Variants in ENTHD1 observed in about 807,000 individuals in gnomAD.
ENTHD1 encodes ENTH domain-containing protein 1.
In ENTHD1, 23 loss-of-function variants were observed where a neutral mutation model predicts 39.1. The observed-to-expected ratio is 0.59, with a 90% CI of 0.42 to 0.83. The LOEUF (loss-of-function observed/expected upper bound fraction) is 0.83. Among genes scored for constraint, ENTHD1 ranks in the 40% least tolerant of loss-of-function variants. ENTHD1 has a pLI of 0.00. For synonymous variants in ENTHD1, 230 were observed against 258.2 expected (o/e 0.89, Z 1.05); for missense variants, 624 against 705.4 (o/e 0.88, Z 1.31).
At chr22:39,847,302 T>C (rs1055768362) in intron 3 of ENTHD1, among the ~76,000 whole-genome samples, 5 of 135,466 alleles carry the variant, frequency 3.7e-5, no homozygotes, top group Admixed American at 8.8e-5. Context: ...TTCTCACTCA[T>C]AGATGGGAAT....
chr22:39,780,769 C>T (rs879433692), intron 5 of ENTHD1, among the ~76,000 whole-genome samples: 5 of 152,158 alleles, frequency 3.3e-5, no homozygotes, highest in Non-Finnish European at 7.4e-5. Context: ...GAGGCCAGGG[C>T]AGGCACATCA....
chr22:39,852,787 G>A (rs2066053875), intron 3 of ENTHD1, among the ~76,000 whole-genome samples: 1 of 152,138 alleles, frequency 6.6e-6, no homozygotes, highest in Non-Finnish European at 1.5e-5. Flanking sequence ...TATCATACAC[G>A]CAGTCCACCA....
intron 6 of ENTHD1, among the ~76,000 whole-genome samples, chr22:39,749,006 T>C (rs1004179584): frequency 4.6e-5 from 7 of 152,194 alleles, no homozygotes; most frequent in Admixed American, 6.5e-5. Context: ...CCACCTTTCT[T>C]TTGCCTTATG....
rs11912077 is a variant in ENTHD1, at chr22:39,826,500, G to A, written c.712-5387C>T. ...TATTTCACTTTTCTGAGTTTCCTGA[G>A]GAAAGAACTTAGATTATTGATTTCA... is the stretch of plus-strand genomic sequence containing the variant. On this transcript the variant is annotated intron_variant, in intron 4 of 6. Transcript: ENST00000325157. Among the ~76,000 whole-genome samples, 479 of 151,538 alleles carry A rather than the reference G, an allele frequency of 3.2e-3. 3 individuals are homozygous for A. The highest frequency in any genetic ancestry group is 0.011 in the African/African-American group (461 of 41,254).
chr22:39,856,968 A>G (rs1248453693), intron 3 of ENTHD1, among the ~76,000 whole-genome samples: 1 of 152,160 alleles, frequency 6.6e-6, no homozygotes, highest in African/African-American at 2.4e-5. Context: ...GCTTAGAACA[A>G]TGTCTGGCAT....
At chr22:39,879,159 A>T (rs571004237) in intron 2 of ENTHD1, among the ~76,000 whole-genome samples, 1 of 152,050 alleles carries the variant, frequency 6.6e-6, no homozygotes, top group African/African-American at 2.4e-5. Flanking sequence ...CTTAACAGAC[A>T]CCTCATTAAA....
intron 2 of ENTHD1, among the ~76,000 whole-genome samples, chr22:39,874,776 A>C (rs1214069159): frequency 1.3e-5 from 2 of 152,238 alleles, no homozygotes; most frequent in Non-Finnish European, 2.9e-5. Flanking sequence ...AAAGGCACTT[A>C]ACAACTTTTC....
chr22:39,881,615 G>A (rs925659809), intron 2 of ENTHD1, among the ~76,000 whole-genome samples: 7 of 152,192 alleles, frequency 4.6e-5, no homozygotes, highest in Non-Finnish European at 1.0e-4. Context: ...AAGGCAAAAT[G>A]TCCCTGCTGT....
chr22:39,807,253 TA>T lies in ENTHD1; in HGVS notation c.832+13739del, dbSNP rs1453433667. The stretch of plus-strand genomic sequence containing the variant: ...GATCTGGCTGTATCATGTCCTTGCT[TA>T]AAACACATCAAAGGCTCCCCATTGT... On this transcript the variant is annotated intron_variant, in intron 5 of 6. Coordinates refer to ENST00000325157, the MANE Select transcript of ENTHD1 (RefSeq NM_152512.4). Among the ~76,000 whole-genome samples the T allele has an allele frequency of 3.3e-5, 5 of 152,224 alleles. No homozygotes were observed. The East Asian group carries it at 9.7e-4, about 29-fold the overall frequency.
chr22:39,861,704 T>G, intron 3 of ENTHD1, 61 bp downstream of exon 3: 1 of 1,283,276 alleles, frequency 7.8e-7, no homozygotes, highest in Non-Finnish European at 1.0e-6. Context: ...TAATATTTTA[T>G]ATTTTTAAAT....
intron 5 of ENTHD1, among the ~76,000 whole-genome samples, chr22:39,817,913 T>C (rs1193464471): frequency 6.6e-6 from 1 of 152,206 alleles, no homozygotes; most frequent in Non-Finnish European, 1.5e-5. Flanking sequence ...TTTCCAAAGA[T>C]GACTATACCA....
intron 5 of ENTHD1, among the ~76,000 whole-genome samples, chr22:39,803,613 C>G (rs1003314992): frequency 6.6e-6 from 1 of 152,102 alleles, no homozygotes; most frequent in Non-Finnish European, 1.5e-5. Flanking sequence ...ATCTTTCCTT[C>G]CAGAATTTTA....
chr22:39,770,460 C>T (rs1233483231), intron 5 of ENTHD1, among the ~76,000 whole-genome samples: 1 of 152,118 alleles, frequency 6.6e-6, no homozygotes, highest in African/African-American at 2.4e-5. Flanking sequence ...AACATTAGCA[C>T]CCGCCAACAA....
At chr22:39,874,873 T>A (rs1235620650) in intron 2 of ENTHD1, among the ~76,000 whole-genome samples, 2 of 152,194 alleles carry the variant, frequency 1.3e-5, no homozygotes, top group East Asian at 3.8e-4. Flanking sequence ...TCCTAAGTGT[T>A]GATAAGGATG....
At chr22:39,831,911 A>C (rs1350862751) in intron 4 of ENTHD1, among the ~76,000 whole-genome samples, 1 of 152,242 alleles carries the variant, frequency 6.6e-6, no homozygotes, top group East Asian at 1.9e-4. Context: ...AAAGGATAAC[A>C]TTTAATTTAC....
intron 2 of ENTHD1, chr22:39,875,196 T>C (rs1239738971): frequency 1.4e-6 from 1 of 738,976 alleles, no homozygotes; most frequent in African/African-American, 1.9e-5. Flanking sequence ...AGAAACATTA[T>C]GTTGAGAGAA....
At chr22:39,841,561 C>T (rs1163385441) in intron 3 of ENTHD1, among the ~76,000 whole-genome samples, 1 of 151,600 alleles carries the variant, frequency 6.6e-6, no homozygotes, top group Non-Finnish European at 1.5e-5. Context: ...ATTGCAACCC[C>T]TGCCTTTTTT....
chr22:39,870,024 T>TTTAC (rs1371604338), intron 2 of ENTHD1, among the ~76,000 whole-genome samples: 1 of 151,454 alleles, frequency 6.6e-6, no homozygotes, highest in African/African-American at 2.4e-5. Flanking sequence ...TATTTATTTA[T>TTTAC]TTTTGAGACA....
At chr22:39,836,898 G>A (rs900014921) in intron 3 of ENTHD1, among the ~76,000 whole-genome samples, 2 of 152,048 alleles carry the variant, frequency 1.3e-5, no homozygotes, top group African/African-American at 4.8e-5. Context: ...AGTTTCCTGA[G>A]GCTTCCTCAG....
Sources: gnomAD v4.1 joint callset for allele counts (sites outside exome capture counted in the v4.1 genomes callset) on GRCh38, gnomAD v4.1.1 for gene constraint, MANE v1.5 for transcripts, NCBI Gene and HGNC (gene_info 2026-07-23, HGNC 2026-07-21) for gene names.